ALPK1: variants seen among roughly 807,000 people sequenced by gnomAD.
ALPK1 encodes the protein alpha-protein kinase 1.
ALPK1 carries 110 observed loss-of-function variants against 120.6 expected under a neutral mutation model. The observed-to-expected ratio is 0.91, with a 90% CI of 0.78 to 1.07. The LOEUF (loss-of-function observed/expected upper bound fraction) is 1.07. Among genes scored for constraint, ALPK1 ranks in the 50% least tolerant of loss-of-function variants. ALPK1 has a pLI of 0.00. For missense variants in ALPK1, 1,498 were observed against 1,483.9 expected (o/e 1.01, Z -0.16); for synonymous variants, 582 against 560.3 (o/e 1.04, Z -0.55).
chr4:112,409,926 T>A (rs183632179), intron 4 of ALPK1, among the ~76,000 whole-genome samples: 2 of 152,092 alleles, frequency 1.3e-5, no homozygotes, highest in Non-Finnish European at 2.9e-5. Context: ...GAGTAAAAAA[T>A]TTTATACTTA....
At chr4:112,297,757 T>G (rs561428766) in intron 1 of ALPK1, among the ~76,000 whole-genome samples, 2 of 152,238 alleles carry the variant, frequency 1.3e-5, no homozygotes, top group African/African-American at 4.8e-5. Context: ...CAGTTTTTCA[T>G]AAGGTTTTAA....
intron 5 of ALPK1, chr4:112,414,212 C>T: frequency 2.1e-6 from 1 of 467,008 alleles, no homozygotes; most frequent in African/African-American, 2.0e-5. Context: ...TATGAGAGGA[C>T]AGCAGTCTTG....
At chr4:112,325,745 T>C (rs1445646612) in intron 2 of ALPK1, among the ~76,000 whole-genome samples, 1 of 152,216 alleles carries the variant, frequency 6.6e-6, no homozygotes, top group Non-Finnish European at 1.5e-5. Context: ...GCTCTCATAA[T>C]TGGAGATTGA....
At position 112,309,453 on chromosome 4, in the gene ALPK1, G is replaced by A. The variant is rs192552248; in HGVS notation, c.-152-6348G>A. 1.7e-3 allele frequency among the ~76,000 whole-genome samples: 261 copies of A among 152,232 alleles called. 4 individuals carry two copies. Among genetic ancestry groups the A allele is most frequent in the African/African-American group, 5.9e-3 (245 of 41,484 alleles). Reference sequence around the variant, plus strand: ...TACTCAAGCCTCAGCAATGGCAGACGCCCCTCCCCCAGCCTCGCTGCCACC... The same window carrying A: ...TACTCAAGCCTCAGCAATGGCAGACACCCCTCCCCCAGCCTCGCTGCCACC... On this transcript the variant is annotated intron_variant, in intron 1 of 15. Transcript: ENST00000650871.
chr4:112,392,477 T>C (rs756041028), intron 4 of ALPK1, among the ~76,000 whole-genome samples: 7 of 152,204 alleles, frequency 4.6e-5, no homozygotes, highest in Non-Finnish European at 8.8e-5. Context: ...TAGAATATTA[T>C]TATTATTAGG....
rs980649124 is a variant in ALPK1 at position 112,415,445 on chromosome 4, G to A, written c.475+3420G>A. On this transcript the variant is annotated intron_variant, in intron 5 of 15. Coordinates refer to ENST00000650871, the MANE Select transcript of ALPK1 (RefSeq NM_025144.4). ...GAAGTCAGGAGTTCGAGACCAGCCT[G>A]GCTAACATGGTGAAACCCCATCTCT... 5.3e-5 allele frequency among the ~76,000 whole-genome samples: 8 copies of A among 152,170 alleles called. No homozygotes were observed. The East Asian group carries it at 7.7e-4, about 15-fold the overall frequency.
intron 6 of ALPK1, 42 bp from the exon 7 acceptor site, chr4:112,425,623 A>G: frequency 3.3e-6 from 5 of 1,525,634 alleles, no homozygotes; most frequent in East Asian, 2.3e-5. Context: ...TTGCAAGGCT[A>G]TATCTCTGAT....
At chr4:112,356,099 C>T in intron 2 of ALPK1, 1 of 1,275,670 alleles carries the variant, frequency 7.8e-7, no homozygotes, top group Non-Finnish European at 1.1e-6. Context: ...GCCTGCCCCT[C>T]AGCCACCCTC....
chr4:112,358,620 GGGCTGGGGGGCCCTGGCGAGGAGCA>G, intron 2 of ALPK1: 1 of 721,788 alleles, frequency 1.4e-6, no homozygotes, highest in South Asian at 1.5e-5. Flanking sequence ...AGCGAACAGT[GGGCTGGGGGGCCCTGGCGAGGAGCA>G]GGCCCACAGG....
At chr4:112,411,641 A>G in intron 4 of ALPK1, 186 bp from the exon 5 acceptor site, 1 of 610,770 alleles carries the variant, frequency 1.6e-6, no homozygotes, top group East Asian at 2.8e-5. Context: ...AGGAAATACT[A>G]TTTTATTGCA....
chr4:112,348,115 T>C (rs1394855718), intron 2 of ALPK1, among the ~76,000 whole-genome samples: 1 of 152,200 alleles, frequency 6.6e-6, no homozygotes, highest in Non-Finnish European at 1.5e-5. Context: ...TCTGAGCACA[T>C]TTGCTCTGCA....
intron 2 of ALPK1, among the ~76,000 whole-genome samples, chr4:112,370,234 A>G (rs1379963766): frequency 6.6e-6 from 1 of 152,246 alleles, no homozygotes; most frequent in Admixed American, 6.5e-5. Flanking sequence ...AGAACTGAAG[A>G]ATTTGTATAT....
At chr4:112,324,198 G>T (rs1177977306) in intron 2 of ALPK1, among the ~76,000 whole-genome samples, 1 of 152,074 alleles carries the variant, frequency 6.6e-6, no homozygotes, top group Non-Finnish European at 1.5e-5. Context: ...ATGGTGGCAG[G>T]CGCCTGTAGT....
At chr4:112,421,038 G>C (rs1168352722) in intron 5 of ALPK1, among the ~76,000 whole-genome samples, 1 of 152,012 alleles carries the variant, frequency 6.6e-6, no homozygotes, top group Non-Finnish European at 1.5e-5. Context: ...TCACCATATT[G>C]GTCAGGCTGG....
chr4:112,345,589 C>T (rs1260644789), intron 2 of ALPK1, among the ~76,000 whole-genome samples: 1 of 152,148 alleles, frequency 6.6e-6, no homozygotes, highest in African/African-American at 2.4e-5. Flanking sequence ...TCTCTTGCTG[C>T]CTCTCAAAAT....
chr4:112,398,914 G>C (rs748649213), intron 4 of ALPK1, among the ~76,000 whole-genome samples: 1 of 152,136 alleles, frequency 6.6e-6, no homozygotes, highest in East Asian at 1.9e-4. Flanking sequence ...AAACTCCAAG[G>C]TTTTGTCCTA....
At chr4:112,388,718 A>G (rs1732265674) in intron 4 of ALPK1, among the ~76,000 whole-genome samples, 2 of 152,196 alleles carry the variant, frequency 1.3e-5, no homozygotes, top group Admixed American at 1.3e-4. Context: ...GTTTGACAGA[A>G]CACTCAAAGA....
intron 1 of ALPK1, among the ~76,000 whole-genome samples, chr4:112,314,331 A>G (rs548736699): frequency 1.3e-5 from 2 of 152,202 alleles, no homozygotes; most frequent in South Asian, 4.1e-4. Flanking sequence ...GTTCAGGAGT[A>G]GGATCCATAG....
chr4:112,336,262 G>A (rs910019878), intron 2 of ALPK1, among the ~76,000 whole-genome samples: 1 of 152,176 alleles, frequency 6.6e-6, no homozygotes, highest in Admixed American at 6.5e-5. Context: ...ACACACAGTG[G>A]AGATAGGTGA....
Sources: gnomAD v4.1 joint callset for allele counts (sites outside exome capture counted in the v4.1 genomes callset) on GRCh38, gnomAD v4.1.1 for gene constraint, MANE v1.5 for transcripts, NCBI Gene and HGNC (gene_info 2026-07-23, HGNC 2026-07-21) for gene names.